Variants in MEGF11 observed in about 807,000 individuals in gnomAD.
The protein encoded by MEGF11 is multiple epidermal growth factor-like domains protein 11.
In MEGF11, 126 loss-of-function variants were observed where a neutral mutation model predicts 146.6. The ratio of observed to expected loss-of-function variants is 0.86; its 90% CI spans 0.74 to 1.00. The LOEUF is 1.00. Among genes scored for constraint, MEGF11 ranks in the 50% least tolerant of loss-of-function variants. The probability of loss-of-function intolerance (pLI) is 0.00; values close to 1 mark genes in which losing one functional copy is unlikely to be tolerated. For missense variants in MEGF11, 1,509 were observed against 1,521.2 expected (o/e 0.99, Z 0.13); for synonymous variants, 532 against 583.4 (o/e 0.91, Z 1.27).
intron 8 of MEGF11, among the ~76,000 whole-genome samples, chr15:65,965,685 G>A (rs66856851): frequency 0.13 from 18,826 of 143,046 alleles, 1,911 homozygotes; most frequent in East Asian, 0.61. Context: ...CATTTTGGAA[G>A]CAGAGATTGG....
At chr15:66,003,474 G>GAGA (rs10639458) in intron 5 of MEGF11, among the ~76,000 whole-genome samples, 141,275 of 151,680 alleles carry the variant, frequency 0.93, 66,518 homozygotes, top group East Asian at 1. Flanking sequence ...GGGTGGGGAG[G>GAGA]AGATGGCCTA....
At chr15:66,226,913 G>A (rs1487641627) in intron 1 of MEGF11, among the ~76,000 whole-genome samples, 1 of 152,206 alleles carries the variant, frequency 6.6e-6, no homozygotes, top group Non-Finnish European at 1.5e-5. Context: ...GCTCTGCTGG[G>A]AGGACAGGTT....
At chr15:66,195,652 A>G (rs2090989999) in intron 1 of MEGF11, among the ~76,000 whole-genome samples, 1 of 152,214 alleles carries the variant, frequency 6.6e-6, no homozygotes, top group Non-Finnish European at 1.5e-5. Context: ...CCATCCGGGA[A>G]ATGAGACGGG....
intron 1 of MEGF11, among the ~76,000 whole-genome samples, chr15:66,171,466 C>A (rs1258603138): frequency 6.6e-6 from 1 of 152,146 alleles, no homozygotes; most frequent in East Asian, 1.9e-4. Flanking sequence ...ACAGAGAGGA[C>A]TGCTGGTCCC....
chr15:66,095,830 G>A (rs1324454597), intron 4 of MEGF11, among the ~76,000 whole-genome samples: 1 of 152,200 alleles, frequency 6.6e-6, no homozygotes, highest in Admixed American at 6.5e-5. Context: ...TTCGGGGAGG[G>A]TTGTGGTGCT....
At chr15:66,020,119 T>C (rs927683874) in intron 5 of MEGF11, among the ~76,000 whole-genome samples, 5 of 152,242 alleles carry the variant, frequency 3.3e-5, no homozygotes, top group Non-Finnish European at 7.3e-5. Flanking sequence ...TCTACCCTTG[T>C]ACAGCACAGG....
At chr15:66,234,307 C>T (rs906616814) in intron 1 of MEGF11, among the ~76,000 whole-genome samples, 8 of 152,190 alleles carry the variant, frequency 5.3e-5, no homozygotes, top group African/African-American at 1.2e-4. Flanking sequence ...GCCAGAGAGG[C>T]GGAAAGGACC....
chr15:65,923,356 A>T (rs185164501), intron 13 of MEGF11, among the ~76,000 whole-genome samples: 3 of 152,304 alleles, frequency 2.0e-5, no homozygotes, highest in Non-Finnish European at 4.4e-5. Context: ...TCTGTATGGC[A>T]TCCAAGAACA....
chr15:66,033,738 T>C (rs1051674148), intron 5 of MEGF11, among the ~76,000 whole-genome samples: 1 of 152,234 alleles, frequency 6.6e-6, no homozygotes, highest in African/African-American at 2.4e-5. Context: ...ATTCTCCAGC[T>C]TTAAGACCAA....
chr15:66,234,205 T>C (rs546492125), intron 1 of MEGF11, among the ~76,000 whole-genome samples: 1 of 152,316 alleles, frequency 6.6e-6, no homozygotes, highest in East Asian at 1.9e-4. Flanking sequence ...GGCCAGACAT[T>C]GTCATTTCTG....
intron 4 of MEGF11, among the ~76,000 whole-genome samples, chr15:66,100,500 T>C (rs953507824): frequency 6.6e-6 from 1 of 152,204 alleles, no homozygotes; most frequent in Admixed American, 6.5e-5. Flanking sequence ...TACTTCCCGG[T>C]TGCAAGCCGT....
intron 9 of MEGF11, among the ~76,000 whole-genome samples, chr15:65,960,545 T>G: frequency 6.6e-6 from 1 of 152,226 alleles, no homozygotes; most frequent in East Asian, 1.9e-4. Flanking sequence ...GGTTTAGGGT[T>G]AGCGTAGAGA....
intron 1 of MEGF11, among the ~76,000 whole-genome samples, chr15:66,243,793 T>G (rs2092254351): frequency 6.6e-6 from 1 of 151,984 alleles, no homozygotes; most frequent in Non-Finnish European, 1.5e-5. Context: ...GGAGTGGGTT[T>G]TAAATAATTT....
intron 24 of MEGF11, among the ~76,000 whole-genome samples, chr15:65,904,589 G>A (rs552883213): frequency 6.6e-6 from 1 of 152,234 alleles, no homozygotes; most frequent in South Asian, 2.1e-4. Flanking sequence ...GACTGTAGAC[G>A]ACTAGCTGTT....
chr15:66,191,919 C>CA (rs946003246), intron 1 of MEGF11, among the ~76,000 whole-genome samples: 36 of 149,910 alleles, frequency 2.4e-4, no homozygotes, highest in Admixed American at 6.0e-4. Context: ...ACTAAAAATA[C>CA]AAAAAAAAAT....
intron 23 of MEGF11, chr15:65,906,692 CAG>C (rs780912076): frequency 1.5e-4 from 23 of 152,456 alleles, no homozygotes; most frequent in African/African-American, 5.3e-4. Context: ...CAGAGAGAAA[CAG>C]AGGGAGACAG....
intron 5 of MEGF11, among the ~76,000 whole-genome samples, chr15:66,007,834 A>C (rs2140091994): frequency 6.6e-6 from 1 of 152,368 alleles, no homozygotes; most frequent in Admixed American, 6.5e-5. Context: ...TTTACTGAGC[A>C]TCTACTAAGT....
intron 10 of MEGF11, among the ~76,000 whole-genome samples, chr15:65,950,590 C>CAG (rs1241714975): frequency 1.7e-3 from 12 of 6,902 alleles, no homozygotes; most frequent in African/African-American, 3.3e-3. Flanking sequence ...CACAGACACA[C>CAG]ACACACACAC....
intron 5 of MEGF11, among the ~76,000 whole-genome samples, chr15:66,037,347 T>C (rs2083764812): frequency 6.6e-6 from 1 of 152,240 alleles, no homozygotes; most frequent in African/African-American, 2.4e-5. Context: ...ACCCACTATC[T>C]GCCAAAATGA....
Sources: gnomAD v4.1 joint callset for allele counts (sites outside exome capture counted in the v4.1 genomes callset) on GRCh38, gnomAD v4.1.1 for gene constraint, MANE v1.5 for transcripts, NCBI Gene and HGNC (gene_info 2026-07-23, HGNC 2026-07-21) for gene names.